The following SCN10A variants were observed in gnomAD, a reference collection of about 807,000 sequenced individuals.
SCN10A encodes the protein sodium voltage-gated channel alpha subunit 10, also known as sodium channel protein type 10 subunit alpha.
Under a neutral mutation model 170.7 loss-of-function variants are expected in SCN10A, and 162 were observed. The observed-to-expected ratio is 0.95, with a 90% confidence interval of 0.84 to 1.08. The LOEUF (loss-of-function observed/expected upper bound fraction) is 1.08. Among genes scored for constraint, SCN10A ranks in the 50% least tolerant of loss-of-function variants. The pLI is 0.00. For missense variants in SCN10A, 2,527 were observed against 2,436.9 expected, an observed-to-expected ratio of 1.04 and a Z score of -0.78; for synonymous variants, 985 against 904.6, an observed-to-expected ratio of 1.09 and a Z score of -1.59.
At chr3:38,763,677 G>A (rs928551037) in intron 5 of SCN10A, 81 bp from the exon 6 acceptor site, 11 of 1,008,982 alleles carry the variant, frequency 1.1e-5, no homozygotes, top group African/African-American at 6.3e-5. Context: ...ATAACCTGGG[G>A]TATCATTAGC....
chr3:38,716,907 G>T (rs1055604625), intron 21 of SCN10A, among the ~76,000 whole-genome samples: 2 of 152,078 alleles, frequency 1.3e-5, no homozygotes, highest in Admixed American at 1.3e-4. Context: ...GAAGGGAAAG[G>T]GATGAATGAA....
intron 4 of SCN10A, among the ~76,000 whole-genome samples, chr3:38,779,633 C>A (rs567975949): frequency 2.6e-5 from 4 of 151,954 alleles, no homozygotes; most frequent in Middle Eastern, 3.4e-3. Flanking sequence ...TATAAATATT[C>A]TATGCTTCCA....
chr3:38,710,953 C>A, intron 23 of SCN10A, 56 bp from the exon 24 acceptor site: 1 of 1,470,332 alleles, frequency 6.8e-7, no homozygotes, highest in Non-Finnish European at 9.5e-7. Flanking sequence ...ATACTGGACC[C>A]TTCCCAAGCC....
chr3:38,781,112 G>A (rs2064133700), intron 4 of SCN10A, among the ~76,000 whole-genome samples: 1 of 152,040 alleles, frequency 6.6e-6, no homozygotes, highest in Non-Finnish European at 1.5e-5. Context: ...AAGTGTTGTC[G>A]TCTCTTATTC....
intron 1 of SCN10A, among the ~76,000 whole-genome samples, chr3:38,805,700 A>G (rs2064400879): frequency 6.6e-6 from 1 of 152,118 alleles, no homozygotes; most frequent in Admixed American, 6.5e-5. Flanking sequence ...CGAAAGTGAG[A>G]CCAGACCTCA....
At chr3:38,729,486 C>G (rs529430738) in intron 15 of SCN10A, among the ~76,000 whole-genome samples, 1 of 152,234 alleles carries the variant, frequency 6.6e-6, no homozygotes, top group African/African-American at 2.4e-5. Context: ...AACCTACCCC[C>G]CAGAACTCCA....
chr3:38,728,287 C>A (rs1289639902), intron 16 of SCN10A, among the ~76,000 whole-genome samples: 1 of 151,160 alleles, frequency 6.6e-6, no homozygotes, highest in Non-Finnish European at 1.5e-5. Context: ...GGGTCACCCA[C>A]CTAGTAAATG....
rs542775513 is a variant in SCN10A, at chr3:38,813,478, C to A, written c.-33+2559G>T. 2.6e-5 allele frequency among the ~76,000 whole-genome samples: 4 copies of A among 152,200 alleles called. No homozygotes were observed. The South Asian group carries it at 6.2e-4, about 24-fold the overall frequency. On this transcript the variant is annotated intron_variant, in intron 1 of 27. Coordinates refer to ENST00000449082, the MANE Select transcript of SCN10A (RefSeq NM_006514.4). ...AATAGGAGATAATAGACTAGGCTAA[C>A]CTTTTTGTGCATCCCCTGTTTAATA... is the stretch of plus-strand genomic sequence containing the variant.
At chr3:38,780,779 A>T (rs2064130069) in intron 4 of SCN10A, among the ~76,000 whole-genome samples, 1 of 152,134 alleles carries the variant, frequency 6.6e-6, no homozygotes, top group Non-Finnish European at 1.5e-5. Context: ...GTAAAGCAGC[A>T]GAGACAACTC....
At position 38,709,473 on chromosome 3, in the gene SCN10A, C is replaced by G. The variant is rs748197749; in HGVS notation, c.4281+5G>C. The G allele has an allele frequency of 6.2e-7, 1 of 1,606,752 alleles. No homozygotes were observed. Among genetic ancestry groups the G allele is most frequent in the Non-Finnish European group, 8.5e-7 (1 of 1,176,974 alleles). ...AGAAACCAGAAACTCCTGAGCACCACTTATCTTTTTTTTCTGTTGATTGAA... is the reference window on the plus strand; with the variant it reads ...AGAAACCAGAAACTCCTGAGCACCAGTTATCTTTTTTTTCTGTTGATTGAA... On this transcript the variant is annotated splice_donor_5th_base_variant and intron_variant, in intron 25 of 27. Transcript: ENST00000449082.
chr3:38,754,866 A>C (rs2063786396), intron 11 of SCN10A, among the ~76,000 whole-genome samples: 1 of 152,236 alleles, frequency 6.6e-6, no homozygotes, highest in Non-Finnish European at 1.5e-5. Context: ...GCATAAAAAA[A>C]TAGCCATGTT....
At chr3:38,743,592 C>G (rs2063656803) in intron 13 of SCN10A, among the ~76,000 whole-genome samples, 1 of 152,182 alleles carries the variant, frequency 6.6e-6, no homozygotes, top group Non-Finnish European at 1.5e-5. Flanking sequence ...ATTTCCAGTT[C>G]TCATCTTACC....
At chr3:38,809,001 T>C (rs2064423250) in intron 1 of SCN10A, among the ~76,000 whole-genome samples, 1 of 152,192 alleles carries the variant, frequency 6.6e-6, no homozygotes, top group Admixed American at 6.5e-5. Flanking sequence ...CACAGGAAGA[T>C]GAAGAAGTGC....
At chr3:38,719,878 G>T (rs1442410318) in intron 20 of SCN10A, among the ~76,000 whole-genome samples, 2 of 152,218 alleles carry the variant, frequency 1.3e-5, no homozygotes, top group Non-Finnish European at 2.9e-5. Flanking sequence ...TCCTTCATCT[G>T]CTGGGAGTGT....
At chr3:38,795,872 C>T (rs183805939) in intron 1 of SCN10A, among the ~76,000 whole-genome samples, 1 of 152,240 alleles carries the variant, frequency 6.6e-6, no homozygotes, top group Non-Finnish European at 1.5e-5. Flanking sequence ...GAAGTATTAT[C>T]TCTAATATAT....
intron 27 of SCN10A, 83 bp downstream of exon 27, chr3:38,701,756 G>T: frequency 7.4e-7 from 1 of 1,350,208 alleles, no homozygotes; most frequent in Non-Finnish European, 1.0e-6. Context: ...AAAGTTGGTT[G>T]GTTATTTCCT....
chr3:38,794,057 C>G lies in SCN10A; in HGVS notation c.-32-15G>C. 6.4e-7 allele frequency: 1 copy of G among 1,566,484 alleles called. No homozygotes were observed. Among genetic ancestry groups the G allele is most frequent in the Non-Finnish European group, 8.8e-7 (1 of 1,140,946 alleles). On this transcript the variant is annotated splice_polypyrimidine_tract_variant and intron_variant, in intron 1 of 27. Coordinates refer to ENST00000449082, the MANE Select transcript of SCN10A (RefSeq NM_006514.4). ...GTATTTATACTCTTATAAGAGTGGA[C>G]ATAACCACAGAGAGGTGACAGCTTG...
At position 38,761,274 on chromosome 3, in the gene SCN10A, GAGTTGC is replaced by G. The variant is rs758127073; in HGVS notation, c.795_800del (p.Gln266_Leu267del). The G allele has an allele frequency of 3.7e-6, 6 of 1,613,932 alleles. No homozygotes were observed. The African/African-American group carries it at 8.0e-5, about 22-fold the overall frequency. On this transcript the variant is annotated inframe_deletion, in exon 7 of 28. Transcript: ENST00000449082. ...ATTTATTTTTGAGGTTGCCCTTGAAGAGTTGCAGCCCCACCAAGGCAAAAACACTTA... is the reference window on the plus strand; with the variant it reads ...ATTTATTTTTGAGGTTGCCCTTGAAGAGCCCCACCAAGGCAAAAACACTTA...
chr3:38,722,505 C>G, intron 19 of SCN10A, 93 bp from the exon 20 acceptor site: 1 of 1,452,702 alleles, frequency 6.9e-7, no homozygotes, highest in Non-Finnish European at 9.4e-7. Context: ...TGCTAGGAAA[C>G]CCACTTGTCA....
Sources: gnomAD v4.1 joint callset for allele counts (sites outside exome capture counted in the v4.1 genomes callset) on GRCh38, gnomAD v4.1.1 for gene constraint, MANE v1.5 for transcripts, NCBI Gene and HGNC (gene_info 2026-07-23, HGNC 2026-07-21) for gene names.